ABCB1: variants seen among roughly 807,000 people sequenced by gnomAD.
ABCB1 encodes ATP binding cassette subfamily B member 1, also known as ATP-dependent translocase ABCB1.
A neutral mutation model predicts 142.0 loss-of-function variants in ABCB1; 69 were observed. That is an observed-to-expected ratio of 0.49 (90% CI 0.40 to 0.59). The LOEUF is 0.59. Ranked by LOEUF, ABCB1 falls within the 20% of genes least tolerant of loss-of-function variation. ABCB1 has a pLI of 0.00. For synonymous variants in ABCB1, 532 were observed against 539.2 expected (o/e 0.99, Z 0.18); for missense variants, 1,326 against 1,554.7 (o/e 0.85, Z 2.47).
intron 21 of ABCB1, among the ~76,000 whole-genome samples, chr7:87,523,516 C>T (rs185635768): frequency 1.3e-3 from 199 of 152,210 alleles, no homozygotes; most frequent in Middle Eastern, 3.4e-3. Context: ...TAATCCCATG[C>T]TACTGGGAGG....
chr7:87,678,785 A>G (rs184395425), intron 1 of ABCB1, among the ~76,000 whole-genome samples: 34 of 152,338 alleles, frequency 2.2e-4, no homozygotes, highest in African/African-American at 7.0e-4. Context: ...AGATTTAATT[A>G]TATATCAAAG....
intron 20 of ABCB1, chr7:87,531,737 A>C: frequency 2.1e-6 from 1 of 487,080 alleles, no homozygotes. Flanking sequence ...ATCTCTTTGG[A>C]TCTTTTAATA....
chr7:87,624,199 A>G (rs1820327423), intron 1 of ABCB1, among the ~76,000 whole-genome samples: 1 of 152,244 alleles, frequency 6.6e-6, no homozygotes, highest in Non-Finnish European at 1.5e-5. Context: ...GCTTTCACAC[A>G]CATGTGAGAC....
At chr7:87,572,563 C>T (rs1818094576) in intron 4 of ABCB1, among the ~76,000 whole-genome samples, 1 of 152,084 alleles carries the variant, frequency 6.6e-6, no homozygotes, top group South Asian at 2.1e-4. Context: ...ATTGGGCATT[C>T]AACAAAGAAG....
At chr7:87,515,842 C>T (rs1815220500) in intron 24 of ABCB1, among the ~76,000 whole-genome samples, 1 of 152,038 alleles carries the variant, frequency 6.6e-6, no homozygotes, top group Non-Finnish European at 1.5e-5. Flanking sequence ...CGTGATCCAC[C>T]CACCTTGGCC....
chr7:87,626,100 T>TATATA (rs1563079546), intron 1 of ABCB1, among the ~76,000 whole-genome samples: 3 of 90,902 alleles, frequency 3.3e-5, no homozygotes, highest in South Asian at 3.9e-4. Context: ...ATATATATAT[T>TATATA]GTCATATATA....
In ABCB1 at chr7:87,539,347, T is replaced by C; in HGVS notation, c.2320-2A>G. Reference sequence around the variant, plus strand: ...TCCAGCTTTGCCAAATGTGAAACCCTGTGGGCAGGAACATACCTTGTCAGG... The same window carrying C: ...TCCAGCTTTGCCAAATGTGAAACCCCGTGGGCAGGAACATACCTTGTCAGG... On this transcript the variant is annotated splice_acceptor_variant, in intron 18 of 27. Coordinates refer to ENST00000622132, the MANE Select transcript of ABCB1 (RefSeq NM_001348946.2). LOFTEE classifies it high-confidence loss of function. The C allele has an allele frequency of 6.2e-7, 1 of 1,614,054 alleles. No homozygotes were observed.
At chr7:87,586,264 T>C (rs1218671309) in intron 3 of ABCB1, among the ~76,000 whole-genome samples, 1 of 152,170 alleles carries the variant, frequency 6.6e-6, no homozygotes, top group East Asian at 1.9e-4. Flanking sequence ...AATATGGCAA[T>C]AATGAATGAC....
intron 1 of ABCB1, among the ~76,000 whole-genome samples, chr7:87,626,116 CATATATATTG>C (rs1820455084): frequency 3.9e-5 from 5 of 128,434 alleles, no homozygotes; most frequent in African/African-American, 1.1e-4. Flanking sequence ...ATATATGTGT[CATATATATTG>C]TCATATATAT....
intron 3 of ABCB1, among the ~76,000 whole-genome samples, chr7:87,587,347 T>C (rs1461881402): frequency 6.6e-6 from 1 of 152,216 alleles, no homozygotes; most frequent in Non-Finnish European, 1.5e-5. Context: ...ATCATGAAAG[T>C]AGACATTTAC....
chr7:87,507,487 T>C (rs1414520288), intron 26 of ABCB1, among the ~76,000 whole-genome samples: 1 of 152,174 alleles, frequency 6.6e-6, no homozygotes, highest in Non-Finnish European at 1.5e-5. Flanking sequence ...TAAAGGGGAT[T>C]GGAGCTTTCT....
chr7:87,699,257 A>G, intron 1 of ABCB1, among the ~76,000 whole-genome samples: 1 of 152,206 alleles, frequency 6.6e-6, no homozygotes, highest in East Asian at 1.9e-4. Flanking sequence ...ATATGAAAGC[A>G]AATCTTTCTA....
At chr7:87,591,251 G>A (rs1818988445) in intron 3 of ABCB1, among the ~76,000 whole-genome samples, 1 of 152,180 alleles carries the variant, frequency 6.6e-6, no homozygotes, top group Non-Finnish European at 1.5e-5. Flanking sequence ...AGAGCCTCCA[G>A]AAGAAATGCA....
intron 1 of ABCB1, among the ~76,000 whole-genome samples, chr7:87,665,415 C>T (rs984681387): frequency 6.6e-6 from 1 of 152,172 alleles, no homozygotes; most frequent in East Asian, 1.9e-4. Context: ...AGTTACTAAA[C>T]ATTGATTAAA....
intron 21 of ABCB1, among the ~76,000 whole-genome samples, chr7:87,531,082 T>A (rs1001321956): frequency 6.6e-6 from 1 of 152,262 alleles, no homozygotes; most frequent in African/African-American, 2.4e-5. Flanking sequence ...TGAAAAAGTC[T>A]GTTAAAGTTA....
At position 87,683,597 on chromosome 7, in the gene ABCB1, A is replaced by G. The variant is rs563636538; in HGVS notation, c.-331+29564T>C. ...GGTAGCTGGAGCATTCAGAACACAC[A>G]CATTTATCAATTAAGCTTGCCATTT... On this transcript the variant is annotated intron_variant, in intron 1 of 28. Transcript: ENST00000265724. Among the ~76,000 whole-genome samples, 7 of 152,286 alleles carry G rather than the reference A, an allele frequency of 4.6e-5. No individual in the cohort carries two copies. The South Asian group carries it at 1.0e-3, about 23-fold the overall frequency.
chr7:87,589,831 A>AGAGG (rs1161195721), intron 3 of ABCB1, among the ~76,000 whole-genome samples: 35 of 147,708 alleles, frequency 2.4e-4, no homozygotes, highest in African/African-American at 8.9e-4. Context: ...AGAGAGAGAG[A>AGAGG]GAGAGGGAGA....
chr7:87,545,993 G>A lies in ABCB1; in HGVS notation c.1757C>T (p.Ala586Val). Residue 586 changes from alanine to valine, a missense_variant, in exon 15 of 28, where the codon GCT (alanine) becomes GTT (valine). Coordinates refer to ENST00000622132, the MANE Select transcript of ABCB1 (RefSeq NM_001348946.2). ...ATTACGAACTGTAGACAAACGATGA[G>A]CTATCACAATGGTGGTCCGACCTTT... ...ARKGRTTIVI[A>V]HRLSTVRNAD... The A allele has an allele frequency of 1.2e-6, 2 of 1,614,140 alleles. No individual in the cohort carries two copies. The highest frequency in any genetic ancestry group is 1.7e-6 in the Non-Finnish European group (2 of 1,180,008).
chr7:87,578,855 G>A (rs951010230), intron 4 of ABCB1, among the ~76,000 whole-genome samples: 2 of 151,452 alleles, frequency 1.3e-5, no homozygotes, highest in East Asian at 1.9e-4. Flanking sequence ...CACCACGCCC[G>A]GCTAATTTTT....
Sources: allele counts gnomAD v4.1 joint callset (sites outside exome capture counted in the v4.1 genomes callset), GRCh38; gene constraint gnomAD v4.1.1; transcripts MANE v1.5; gene names NCBI Gene and HGNC (gene_info 2026-07-23, HGNC 2026-07-21).